The following DNAJC3 variants were observed in gnomAD, a reference collection of about 807,000 sequenced individuals.
DNAJC3 encodes the protein dnaJ homolog subfamily C member 3.
Under a neutral mutation model 68.6 loss-of-function variants are expected in DNAJC3, and 38 were observed. The ratio of observed to expected loss-of-function variants is 0.55; its 90% CI spans 0.43 to 0.73. The LOEUF (loss-of-function observed/expected upper bound fraction) is 0.73, where lower values mean the gene tolerates loss of function less well. Ranked by LOEUF, DNAJC3 falls within the 30% of genes least tolerant of loss-of-function variation. The probability of loss-of-function intolerance (pLI) is 0.00; values close to 1 mark genes in which losing one functional copy is unlikely to be tolerated. For missense variants in DNAJC3, 526 were observed against 591.9 expected (o/e 0.89, Z 1.16); for synonymous variants, 203 against 204.0 (o/e 1.00, Z 0.04).
chr13:95,727,279 G>A (rs1881562056), intron 4 of DNAJC3, among the ~76,000 whole-genome samples: 1 of 151,906 alleles, frequency 6.6e-6, no homozygotes, highest in Non-Finnish European at 1.5e-5. Flanking sequence ...TCCTTATTGG[G>A]CATTGGATGT....
chr13:95,737,450 C>T (rs1334002352), intron 4 of DNAJC3, among the ~76,000 whole-genome samples: 4 of 151,204 alleles, frequency 2.6e-5, no homozygotes, highest in African/African-American at 9.7e-5. Flanking sequence ...CCATCTGGTC[C>T]TGGACTCTTT....
intron 1 of DNAJC3, among the ~76,000 whole-genome samples, chr13:95,696,057 C>G (rs747781106): frequency 5.3e-5 from 8 of 152,198 alleles, no homozygotes; most frequent in Non-Finnish European, 1.0e-4. Context: ...AGCCATTCCA[C>G]ATGCATATAA....
At chr13:95,745,004 A>G (rs893756060) in intron 4 of DNAJC3, 1 of 152,232 alleles carries the variant, frequency 6.6e-6, no homozygotes, top group South Asian at 2.1e-4. Context: ...ACAGTCTGGC[A>G]TTAAGTATTA....
At chr13:95,696,565 T>C (rs914936048) in intron 1 of DNAJC3, among the ~76,000 whole-genome samples, 1 of 152,024 alleles carries the variant, frequency 6.6e-6, no homozygotes, top group Middle Eastern at 3.4e-3. Context: ...TCTTTGCCTT[T>C]TTTAAAAAAA....
At chr13:95,714,338 TTG>T (rs1881068304) in intron 2 of DNAJC3, among the ~76,000 whole-genome samples, 1 of 151,580 alleles carries the variant, frequency 6.6e-6, no homozygotes, top group Non-Finnish European at 1.5e-5. Flanking sequence ...TGAGCTATGA[TTG>T]TGTCACCACA....
intron 4 of DNAJC3, among the ~76,000 whole-genome samples, chr13:95,733,553 C>A (rs140891134): frequency 0.013 from 1,948 of 152,072 alleles, 49 homozygotes; most frequent in African/African-American, 0.045. Context: ...CACCACATCA[C>A]CACATCCAGC....
chr13:95,727,193 G>A (rs1881557315), intron 4 of DNAJC3, among the ~76,000 whole-genome samples: 1 of 151,558 alleles, frequency 6.6e-6, no homozygotes, highest in African/African-American at 2.4e-5. Flanking sequence ...CTGTTACTTA[G>A]GTTTTTTTTT....
chr13:95,698,656 C>T (rs1012418605), intron 1 of DNAJC3, among the ~76,000 whole-genome samples: 2 of 152,136 alleles, frequency 1.3e-5, no homozygotes, highest in Non-Finnish European at 2.9e-5. Flanking sequence ...AAATGCCTGT[C>T]ATGCAGTTCT....
intron 10 of DNAJC3, among the ~76,000 whole-genome samples, chr13:95,786,530 T>C (rs561852970): frequency 6.6e-6 from 1 of 152,310 alleles, no homozygotes; most frequent in South Asian, 2.1e-4. Flanking sequence ...TGCCTGTGGG[T>C]GAATTCTGAA....
chr13:95,725,310 C>A (rs1215533131), intron 4 of DNAJC3, 58 bp downstream of exon 4: 19 of 1,315,232 alleles, frequency 1.4e-5, no homozygotes, highest in Middle Eastern at 4.1e-4. Flanking sequence ...ACGTATTTGA[C>A]CTTTTTTATA....
intron 1 of DNAJC3, among the ~76,000 whole-genome samples, chr13:95,707,753 A>G (rs1384282010): frequency 1.3e-5 from 2 of 152,226 alleles, no homozygotes; most frequent in African/African-American, 4.8e-5. Context: ...TCTAACGGAT[A>G]TTCTAGGACT....
At chr13:95,761,758 C>T (rs1378016026) in intron 7 of DNAJC3, among the ~76,000 whole-genome samples, 1 of 150,500 alleles carries the variant, frequency 6.6e-6, no homozygotes, top group Non-Finnish European at 1.5e-5. Flanking sequence ...AATGTATAAA[C>T]TTTTGGGATT....
At chr13:95,744,738 C>A (rs921402254) in intron 4 of DNAJC3, 1 of 152,084 alleles carries the variant, frequency 6.6e-6, no homozygotes. Flanking sequence ...GCATTCGGAA[C>A]CTTGATTCCA....
At chr13:95,730,392 G>A (rs1881673212) in intron 4 of DNAJC3, among the ~76,000 whole-genome samples, 1 of 152,116 alleles carries the variant, frequency 6.6e-6, no homozygotes, top group African/African-American at 2.4e-5. Flanking sequence ...ATAGACCAAT[G>A]TCTTAAAGCA....
chr13:95,783,520 C>G lies in DNAJC3; in HGVS notation c.1076-2419C>G, dbSNP rs571190813. Among the ~76,000 whole-genome samples the G allele has an allele frequency of 5.3e-5, 8 of 152,292 alleles. No homozygotes were observed. The East Asian group carries it at 1.5e-3, about 29-fold the overall frequency. ...GTGTTCATTGTAAAGTTAAACCTTA[C>G]TACTGTTTATGATGGTTTTGTTTTT... is the stretch of plus-strand genomic sequence containing the variant. On this transcript the variant is annotated intron_variant, in intron 9 of 11. Coordinates refer to ENST00000602402, the MANE Select transcript of DNAJC3 (RefSeq NM_006260.5).
rs1273548899 is a variant in DNAJC3, at chr13:95,735,006, T to G, written c.393+9754T>G. Among the ~76,000 whole-genome samples, 13 of 139,526 alleles carry G rather than the reference T, an allele frequency of 9.3e-5. No homozygotes were observed. In the Admixed American group the frequency reaches 1.0e-3, roughly 11 times the overall value. 91.5% of individuals were successfully genotyped at this position (139,526 alleles called of 152,430 possible). ...CCACAACAGGCCCCAGAGTGTGATA[T>G]TCCCCTTTCTGTGTCCATGTGATCT... On this transcript the variant is annotated intron_variant, in intron 4 of 11. Transcript: ENST00000602402.
rs2139705441 is a variant in DNAJC3, at chr13:95,793,103, A to T, written c.*2073A>T. 1 of 152,188 alleles carries T rather than the reference A, an allele frequency of 6.6e-6. No homozygotes were observed. The highest frequency in any genetic ancestry group is 1.9e-4 in the East Asian group (1 of 5,174). The allele number at this position is 152,188 out of a possible 1,614,324, so 9.4% of individuals were successfully genotyped here. A position where few individuals can be genotyped will look rare whatever the true frequency, so the allele number is the denominator to read the frequency against. ...GTAACAACCATAGTTTCAGCTCCTA[A>T]ATTCTTATCATGGATTTACTTAGTC... On this transcript the variant is annotated 3_prime_UTR_variant, in exon 12 of 12. Transcript: ENST00000602402.
At chr13:95,726,202 G>C (rs1320466157) in intron 4 of DNAJC3, among the ~76,000 whole-genome samples, 4 of 152,146 alleles carry the variant, frequency 2.6e-5, no homozygotes, top group Non-Finnish European at 1.5e-5. Flanking sequence ...TAATGGGATG[G>C]TTGGGTCAAA....
intron 1 of DNAJC3, among the ~76,000 whole-genome samples, chr13:95,685,698 T>A (rs943537088): frequency 6.6e-6 from 1 of 151,574 alleles, no homozygotes; most frequent in Non-Finnish European, 1.5e-5. Context: ...TGTTTTTTTT[T>A]AGAAATCTCC....
Sources: gnomAD v4.1 joint callset for allele counts (sites outside exome capture counted in the v4.1 genomes callset) on GRCh38, gnomAD v4.1.1 for gene constraint, MANE v1.5 for transcripts, NCBI Gene and HGNC (gene_info 2026-07-23, HGNC 2026-07-21) for gene names.